IL1RAPL1: variants seen among roughly 807,000 people sequenced by gnomAD.
IL1RAPL1 encodes interleukin-1 receptor accessory protein-like 1.
Under a neutral mutation model 48.4 loss-of-function variants are expected in IL1RAPL1, and 3 were observed. That is an observed-to-expected ratio of 0.06 (90% CI 0.03 to 0.16). The LOEUF is 0.16. Among genes scored for constraint, IL1RAPL1 ranks in the 10% least tolerant of loss-of-function variants. The pLI, the probability that IL1RAPL1 is intolerant of heterozygous loss-of-function variation, is 1.00. For synonymous variants in IL1RAPL1, 185 were observed against 187.7 expected, an observed-to-expected ratio of 0.99 and a Z score of 0.12; for missense variants, 349 against 530.6, an observed-to-expected ratio of 0.66 and a Z score of 3.36.
chrX:29,461,496 A>C (rs780271122), intron 5 of IL1RAPL1, among the ~76,000 whole-genome samples: 1 of 111,938 alleles, frequency 8.9e-6, no homozygotes, highest in Non-Finnish European at 1.9e-5. Flanking sequence ...TATATTGCAT[A>C]AAACCCAGCA....
intron 2 of IL1RAPL1, among the ~76,000 whole-genome samples, chrX:29,142,656 C>G (rs1437555055): frequency 9.0e-6 from 1 of 111,108 alleles, no homozygotes; most frequent in Non-Finnish European, 1.9e-5. Flanking sequence ...TCTATTCTTG[C>G]ATGTTTTCTG....
chrX:29,670,163 G>T (rs1443886440), intron 6 of IL1RAPL1, among the ~76,000 whole-genome samples: 1 of 111,485 alleles, frequency 9.0e-6, no homozygotes, highest in African/African-American at 3.3e-5. Flanking sequence ...TAATAAGTCA[G>T]ATTGTTCTCT....
chrX:29,378,586 G>A (rs1289177656), intron 3 of IL1RAPL1, among the ~76,000 whole-genome samples: 2 of 112,402 alleles, frequency 1.8e-5, no homozygotes, highest in Admixed American at 1.9e-4. Flanking sequence ...TCTGTATAAT[G>A]TCTTTATTTA....
chrX:29,717,134 C>T (rs1927504203), intron 6 of IL1RAPL1, among the ~76,000 whole-genome samples: 1 of 108,843 alleles, frequency 9.2e-6, no homozygotes, highest in Admixed American at 9.9e-5. Context: ...TAACTTCATA[C>T]CTACTGAGAA....
intron 1 of IL1RAPL1, among the ~76,000 whole-genome samples, chrX:28,727,854 G>A (rs1411797133): frequency 1.8e-5 from 2 of 109,746 alleles, no homozygotes; most frequent in Non-Finnish European, 3.8e-5. Context: ...CTCACTCATA[G>A]GTGGGAATTG....
intron 2 of IL1RAPL1, among the ~76,000 whole-genome samples, chrX:29,224,233 C>T (rs1027940819): frequency 1.8e-5 from 2 of 110,797 alleles, no homozygotes; most frequent in African/African-American, 6.6e-5. Context: ...TAAGGTGGTA[C>T]TCTTTAAACT....
chrX:28,978,152 C>G, intron 2 of IL1RAPL1, among the ~76,000 whole-genome samples: 1 of 111,292 alleles, frequency 9.0e-6, no homozygotes, highest in East Asian at 2.8e-4. Flanking sequence ...ATTGGTGATG[C>G]AGGAGAGAGT....
chrX:29,682,803 C>T (rs753074870), intron 6 of IL1RAPL1, among the ~76,000 whole-genome samples: 4 of 112,012 alleles, frequency 3.6e-5, no homozygotes, highest in South Asian at 7.5e-4. Flanking sequence ...GAGTAAACCA[C>T]GCTAAAACTG....
intron 5 of IL1RAPL1, among the ~76,000 whole-genome samples, chrX:29,645,431 A>T (rs1418587531): frequency 9.0e-6 from 1 of 111,495 alleles, no homozygotes; most frequent in African/African-American, 3.3e-5. Flanking sequence ...TAGCATGGAA[A>T]GAGATTCTGT....
chrX:29,551,822 C>G (rs978923358), intron 5 of IL1RAPL1, among the ~76,000 whole-genome samples: 1 of 99,840 alleles, frequency 1.0e-5, no homozygotes, highest in African/African-American at 3.6e-5. Context: ...CTGTCTCTCT[C>G]AAAGCACAGG....
chrX:28,920,839 T>C (rs1023809551), intron 2 of IL1RAPL1, among the ~76,000 whole-genome samples: 7 of 111,844 alleles, frequency 6.3e-5, no homozygotes, highest in African/African-American at 1.9e-4. Flanking sequence ...GAATAGGCAA[T>C]TGTCATGCAC....
intron 2 of IL1RAPL1, among the ~76,000 whole-genome samples, chrX:29,023,876 C>A (rs1158627209): frequency 9.0e-6 from 1 of 111,611 alleles, no homozygotes; most frequent in Non-Finnish European, 1.9e-5. Flanking sequence ...TTAATTGAAA[C>A]CAACACATTG....
At chrX:29,814,078 A>G (rs760924960) in intron 6 of IL1RAPL1, among the ~76,000 whole-genome samples, 4 of 111,692 alleles carry the variant, frequency 3.6e-5, no homozygotes, top group Non-Finnish European at 5.7e-5. Context: ...TTTTGGTAGA[A>G]TGATTTATTT....
At chrX:28,714,013 G>A (rs1601869720) in intron 1 of IL1RAPL1, among the ~76,000 whole-genome samples, 2 of 112,032 alleles carry the variant, frequency 1.8e-5, no homozygotes, top group East Asian at 5.6e-4. Flanking sequence ...TTTCTGAACA[G>A]TATTATCACA....
rs1487913388 is a variant in IL1RAPL1 at position 29,440,119 on chromosome X, A to T, written c.703+40811A>T. On this transcript the variant is annotated intron_variant, in intron 5 of 10. Coordinates refer to ENST00000378993, the MANE Select transcript of IL1RAPL1 (RefSeq NM_014271.4). ...ACCTATAAATTATTTGGTATTTCAG[A>T]TAGAGATCATGGAATCCTATTAAAT... Among the ~76,000 whole-genome samples, 3 of 109,776 alleles carry T rather than the reference A, an allele frequency of 2.7e-5. No individual in the cohort carries two copies. The East Asian group carries it at 8.5e-4, about 31-fold the overall frequency.
At chrX:29,593,442 T>C (rs1056460203) in intron 5 of IL1RAPL1, among the ~76,000 whole-genome samples, 1 of 111,916 alleles carries the variant, frequency 8.9e-6, no homozygotes, top group Non-Finnish European at 1.9e-5. Context: ...TTGTATAGAG[T>C]ACATCACTCT....
intron 2 of IL1RAPL1, among the ~76,000 whole-genome samples, chrX:28,872,745 G>T (rs887782070): frequency 8.9e-6 from 1 of 112,164 alleles, no homozygotes; most frequent in African/African-American, 3.2e-5. Context: ...TGTCCTCATT[G>T]TTTTTACTAG....
At chrX:28,856,674 C>A (rs1249340636) in intron 2 of IL1RAPL1, among the ~76,000 whole-genome samples, 1 of 110,919 alleles carries the variant, frequency 9.0e-6, no homozygotes, top group African/African-American at 3.3e-5. Context: ...TGTTTTGGGG[C>A]ACCACAAACC....
At position 29,130,970 on chromosome X, in the gene IL1RAPL1, T is replaced by C. The variant is rs185123689; in HGVS notation, c.83-151968T>C. 9.8e-5 allele frequency among the ~76,000 whole-genome samples: 11 copies of C among 112,618 alleles called. No individual in the cohort carries two copies. The Admixed American group carries it at 1.0e-3, about 11-fold the overall frequency. The stretch of plus-strand genomic sequence containing the variant: ...TGGGGATTGCGGCTGATTTGTCAGA[T>C]GTATCTTACCATTGGAGTCTGTGAT... On this transcript the variant is annotated intron_variant, in intron 2 of 10. Transcript: ENST00000378993.
Sources: allele counts gnomAD v4.1 joint callset (sites outside exome capture counted in the v4.1 genomes callset), GRCh38; gene constraint gnomAD v4.1.1; transcripts MANE v1.5; gene names NCBI Gene and HGNC (gene_info 2026-07-23, HGNC 2026-07-21).